PROM1: variants seen among roughly 807,000 people sequenced by gnomAD.
The protein encoded by PROM1 is prominin 1.
In PROM1, 105 loss-of-function variants were observed where a neutral mutation model predicts 116.9. The ratio of observed to expected loss-of-function variants is 0.90; its 90% CI spans 0.77 to 1.06. The LOEUF (loss-of-function observed/expected upper bound fraction) is 1.06. PROM1 is among the 50% of genes least tolerant of loss of function. The pLI is 0.00. For missense variants in PROM1, 1,122 were observed against 1,045.2 expected (o/e 1.07, Z -1.01); for synonymous variants, 393 against 387.0 (o/e 1.02, Z -0.18).
intron 7 of PROM1, 38 bp downstream of exon 7, chr4:16,024,257 A>G (rs762704750): frequency 2.8e-5 from 44 of 1,576,352 alleles, no homozygotes; most frequent in Non-Finnish European, 3.7e-5. Context: ...AGTCAAAACA[A>G]AGAAAAAAAA....
chr4:16,066,122 C>G (rs776802076), intron 2 of PROM1, among the ~76,000 whole-genome samples: 1 of 152,188 alleles, frequency 6.6e-6, no homozygotes, highest in Non-Finnish European at 1.5e-5. Flanking sequence ...TTTTAGACTT[C>G]CTGCCTACAG....
chr4:15,977,644 G>T (rs1716525152), intron 26 of PROM1, among the ~76,000 whole-genome samples: 1 of 152,140 alleles, frequency 6.6e-6, no homozygotes, highest in African/African-American at 2.4e-5. Flanking sequence ...TGTCACCCAG[G>T]CTGGAATGCA....
chr4:16,045,305 T>G (rs1304237518), intron 2 of PROM1, among the ~76,000 whole-genome samples: 3 of 152,140 alleles, frequency 2.0e-5, no homozygotes, highest in African/African-American at 7.2e-5. Flanking sequence ...AGACCCTGCA[T>G]GTTTGCCCTC....
intron 13 of PROM1, among the ~76,000 whole-genome samples, chr4:16,005,100 T>G (rs984308651): frequency 1.3e-5 from 2 of 151,700 alleles, no homozygotes; most frequent in Non-Finnish European, 2.9e-5. Context: ...GTACCTGGGA[T>G]TACAGGTGTG....
intron 2 of PROM1, among the ~76,000 whole-genome samples, chr4:16,055,634 C>T (rs1042540509): frequency 2.0e-5 from 3 of 152,138 alleles, no homozygotes; most frequent in African/African-American, 4.8e-5. Context: ...TGCTACATAG[C>T]TAGGCAGAGG....
chr4:16,047,850 C>T (rs573188855), intron 2 of PROM1, among the ~76,000 whole-genome samples: 3 of 152,180 alleles, frequency 2.0e-5, no homozygotes, highest in African/African-American at 4.8e-5. Context: ...GGGCAGCAAT[C>T]GGGGCCCAGT....
chr4:16,075,225 C>T (rs773392446), intron 2 of PROM1, among the ~76,000 whole-genome samples: 3 of 152,120 alleles, frequency 2.0e-5, no homozygotes, highest in Non-Finnish European at 4.4e-5. Context: ...CATGTTTGTC[C>T]TTACCCTAAG....
intron 26 of PROM1, 88 bp from the exon 27 acceptor site, chr4:15,971,170 A>G: frequency 8.8e-7 from 1 of 1,138,820 alleles, no homozygotes; most frequent in East Asian, 2.6e-5. Flanking sequence ...CAGGCATGTG[A>G]CTAAAGGTAC....
intron 2 of PROM1, chr4:16,055,344 A>T (rs564311807): frequency 3.5e-5 from 16 of 455,486 alleles, no homozygotes; most frequent in Middle Eastern, 3.3e-4. Context: ...CTCCCAGGCA[A>T]AAATTCCCCT....
chr4:15,994,184 A>T, intron 15 of PROM1, 113 bp from the exon 16 acceptor site: 2 of 1,534,072 alleles, frequency 1.3e-6, no homozygotes, highest in Admixed American at 4.0e-5. Context: ...ATCTGTGAAC[A>T]CAGAAGTGGG....
intron 13 of PROM1, among the ~76,000 whole-genome samples, chr4:16,004,316 A>G (rs1037371122): frequency 3.9e-5 from 6 of 152,164 alleles, no homozygotes; most frequent in Non-Finnish European, 8.8e-5. Flanking sequence ...CCTCCATGCC[A>G]CAGGTCTCCA....
intron 26 of PROM1, chr4:15,971,359 A>T (rs1283721398): frequency 2.5e-6 from 1 of 392,616 alleles, no homozygotes; most frequent in East Asian, 3.9e-5. Context: ...AAGTGTTAAG[A>T]GTCACTAAGA....
At chr4:15,970,739 T>C (rs1035341741) in intron 27 of PROM1, among the ~76,000 whole-genome samples, 1 of 152,156 alleles carries the variant, frequency 6.6e-6, no homozygotes, top group Non-Finnish European at 1.5e-5. Flanking sequence ...AAATACCTAA[T>C]ACAATGTAAG....
intron 2 of PROM1, among the ~76,000 whole-genome samples, chr4:16,067,329 A>T (rs1741772387): frequency 6.6e-6 from 1 of 152,106 alleles, no homozygotes; most frequent in Non-Finnish European, 1.5e-5. Flanking sequence ...GGCAATTATG[A>T]CTTGCCTCTG....
intron 2 of PROM1, among the ~76,000 whole-genome samples, chr4:16,064,977 G>GTGATGC (rs1298359544): frequency 6.6e-6 from 1 of 152,194 alleles, no homozygotes; most frequent in East Asian, 1.9e-4. Flanking sequence ...AAGCTCCCTG[G>GTGATGC]TGATGCTGAT....
At chr4:16,046,071 G>T (rs1736481622) in intron 2 of PROM1, among the ~76,000 whole-genome samples, 2 of 152,162 alleles carry the variant, frequency 1.3e-5, no homozygotes, top group Admixed American at 6.5e-5. Flanking sequence ...ATCAGATAGG[G>T]GTCAAGGCTA....
At chr4:16,020,768 A>G (rs918465565) in intron 8 of PROM1, among the ~76,000 whole-genome samples, 6 of 152,210 alleles carry the variant, frequency 3.9e-5, no homozygotes, top group Non-Finnish European at 5.9e-5. Flanking sequence ...CATGGATAAT[A>G]TTCTGTCATG....
intron 23 of PROM1, among the ~76,000 whole-genome samples, chr4:15,981,215 C>G (rs550688912): frequency 8.0e-5 from 12 of 150,652 alleles, no homozygotes; most frequent in African/African-American, 1.2e-4. Context: ...CCCACCTCGG[C>G]CTCCCAAAGT....
rs183464524 is a variant in PROM1 at position 15,986,514 on chromosome 4, G to A, written c.2131-477C>T. ...CAGCTTGGTGCAAATTGGAAATGGG[G>A]CCTTTTCTGCCCAGGGACCTCAGGG... is the stretch of plus-strand genomic sequence containing the variant. On this transcript the variant is annotated intron_variant, in intron 20 of 27. Coordinates refer to ENST00000447510, the MANE Select transcript of PROM1 (RefSeq NM_006017.3). Among the ~76,000 whole-genome samples, 1,229 of 152,214 alleles carry A rather than the reference G, an allele frequency of 8.1e-3. 6 individuals carry two copies. Among genetic ancestry groups the A allele is most frequent in the Non-Finnish European group, 0.013 (877 of 68,022 alleles).
Sources: allele counts gnomAD v4.1 joint callset (sites outside exome capture counted in the v4.1 genomes callset), GRCh38; gene constraint gnomAD v4.1.1; transcripts MANE v1.5; gene names NCBI Gene and HGNC (gene_info 2026-07-23, HGNC 2026-07-21).